The following HMCN1 variants were observed in gnomAD, a reference collection of about 807,000 sequenced individuals.
HMCN1 encodes hemicentin-1.
In HMCN1, 321 loss-of-function variants were observed where a neutral mutation model predicts 625.9. The ratio of observed to expected loss-of-function variants is 0.51; its 90% CI spans 0.47 to 0.56. The LOEUF (loss-of-function observed/expected upper bound fraction) is 0.56, where lower values mean the gene tolerates loss of function less well. Ranked by LOEUF, HMCN1 falls within the 20% of genes least tolerant of loss-of-function variation. The pLI, the probability that HMCN1 is intolerant of heterozygous loss-of-function variation, is 0.00. For synonymous variants in HMCN1, 2,425 were observed against 2,417.6 expected (o/e 1.00, Z -0.09); for missense variants, 6,588 against 6,887.3 (o/e 0.96, Z 1.54).
At chr1:186,063,299 A>C (rs1294642642) in intron 48 of HMCN1, among the ~76,000 whole-genome samples, 1 of 151,424 alleles carries the variant, frequency 6.6e-6, no homozygotes, top group African/African-American at 2.4e-5. Context: ...TGGCATTTGA[A>C]ATTAAATTCT....
intron 46 of HMCN1, among the ~76,000 whole-genome samples, chr1:186,061,475 G>A (rs181036792): frequency 1.1e-3 from 172 of 152,204 alleles, no homozygotes; most frequent in African/African-American, 3.9e-3. Context: ...GGGGATTATG[G>A]GGATTACAAT....
intron 1 of HMCN1, among the ~76,000 whole-genome samples, chr1:185,764,266 A>G (rs1158734552): frequency 6.6e-6 from 1 of 152,208 alleles, no homozygotes; most frequent in African/African-American, 2.4e-5. Flanking sequence ...TGTTGATGGT[A>G]TGTTTCAACA....
At chr1:185,878,342 A>C (rs2102384721) in intron 4 of HMCN1, among the ~76,000 whole-genome samples, 1 of 152,224 alleles carries the variant, frequency 6.6e-6, no homozygotes, top group East Asian at 1.9e-4. Context: ...AATGCTTTCA[A>C]CTTTCCCCCA....
chr1:185,747,186 ACTATCATAGACTC>A (rs1403928811), intron 1 of HMCN1, among the ~76,000 whole-genome samples: 1 of 152,176 alleles, frequency 6.6e-6, no homozygotes, highest in Non-Finnish European at 1.5e-5. Flanking sequence ...TGCATTAGGG[ACTATCATAGACTC>A]TAAACTCTGA....
intron 1 of HMCN1, among the ~76,000 whole-genome samples, chr1:185,775,752 A>G (rs1385381443): frequency 6.6e-6 from 1 of 152,220 alleles, no homozygotes; most frequent in Admixed American, 6.5e-5. Flanking sequence ...CCACTGACTA[A>G]GTATGTGCTT....
intron 41 of HMCN1, among the ~76,000 whole-genome samples, chr1:186,047,596 T>C (rs2102259415): frequency 6.6e-6 from 1 of 152,254 alleles, no homozygotes; most frequent in African/African-American, 2.4e-5. Context: ...TCAATAAATA[T>C]TAATCCCTCC....
rs757996230 is a variant in HMCN1, at chr1:185,933,577, C to T, written c.1581C>T (p.Asn527=). The part of the protein sequence containing the change: ...SEPPPVIQVP[N]NVTVTPGERA... Reference sequence around the variant, plus strand: ...CCCCTCCGGTCATCCAAGTGCCTAACAATGTTACAGTCACTCCTGGAGAGA... The same window carrying T: ...CCCCTCCGGTCATCCAAGTGCCTAATAATGTTACAGTCACTCCTGGAGAGA... The change falls in exon 11 of 107, where the codon AAC becomes AAT. Residue 527 remains asparagine, a synonymous_variant. Coordinates refer to ENST00000271588, the MANE Select transcript of HMCN1 (RefSeq NM_031935.3). 6.2e-7 allele frequency: 1 copy of T among 1,613,932 alleles called. No individual in the cohort carries two copies. Among genetic ancestry groups the T allele is most frequent in the Admixed American group, 1.7e-5 (1 of 59,954 alleles).
chr1:186,009,978 T>C (rs562040940), intron 30 of HMCN1, among the ~76,000 whole-genome samples: 12 of 151,948 alleles, frequency 7.9e-5, no homozygotes, highest in South Asian at 2.1e-4. Flanking sequence ...GCCAGCAAAA[T>C]AGAGTTCGCG....
In HMCN1 at chr1:186,116,996, T is replaced by G. The variant is rs751552839; in HGVS notation, c.11564T>G (p.Leu3855Arg). The G allele has an allele frequency of 4.3e-6, 7 of 1,612,984 alleles. No individual in the cohort carries two copies. Among genetic ancestry groups the G allele is most frequent in the Non-Finnish European group, 5.9e-6 (7 of 1,179,178 alleles). ...ATGCTTTGAAATGTGTCTTCTAGGC[T>G]CCTTTCTTCAGGTTCACTAGTAATT... Reference protein sequence around the residue: ...NVDQNQNSYRLLSSGSLVIIS... With the variant: ...NVDQNQNSYRRLSSGSLVIIS... Residue 3855 changes from leucine to arginine, a missense_variant and splice_region_variant, in exon 76 of 107, where the codon CTC becomes CGC. Coordinates refer to ENST00000271588, the MANE Select transcript of HMCN1 (RefSeq NM_031935.3).
Position 186,087,914 on chromosome 1 carries a change from A to G in HMCN1, c.9364-18A>G, listed in dbSNP as rs774670769. 1.3e-6 allele frequency: 2 copies of G among 1,593,704 alleles called. No individual in the cohort carries two copies. The highest frequency in any genetic ancestry group is 1.7e-5 in the Admixed American group (1 of 59,810). On this transcript the variant is annotated intron_variant, in intron 60 of 106. Transcript: ENST00000271588. ...TATAACTTAATGGAGCACATACAAT[A>G]GTATCTTTTTCTTTTAGGTATCTGA...
chr1:186,113,878 A>G, intron 72 of HMCN1, 101 bp from the exon 73 acceptor site: 2 of 1,258,380 alleles, frequency 1.6e-6, no homozygotes, highest in Non-Finnish European at 2.3e-6. Flanking sequence ...ACAAAGCTAT[A>G]CATTTGACTC....
intron 1 of HMCN1, among the ~76,000 whole-genome samples, chr1:185,744,243 G>A (rs1654229882): frequency 6.6e-6 from 1 of 151,680 alleles, no homozygotes; most frequent in Non-Finnish European, 1.5e-5. Flanking sequence ...ATCCACCCAC[G>A]TTGGCCTCCC....
intron 40 of HMCN1, among the ~76,000 whole-genome samples, chr1:186,044,823 T>C (rs1356616950): frequency 1.3e-5 from 2 of 152,136 alleles, no homozygotes; most frequent in Non-Finnish European, 2.9e-5. Context: ...AAAGAGTCCT[T>C]GAGAAGTTAT....
chr1:185,853,435 A>G (rs1662281203), intron 2 of HMCN1, among the ~76,000 whole-genome samples: 1 of 152,158 alleles, frequency 6.6e-6, no homozygotes, highest in Non-Finnish European at 1.5e-5. Context: ...TACTGTAGGT[A>G]CATTCATAGG....
chr1:185,782,992 G>T (rs895304785), intron 1 of HMCN1, among the ~76,000 whole-genome samples: 2 of 152,104 alleles, frequency 1.3e-5, no homozygotes, highest in African/African-American at 4.8e-5. Flanking sequence ...CCAATCAGAC[G>T]CACATTTGGT....
chr1:185,828,776 A>C (rs1027748659), intron 1 of HMCN1, among the ~76,000 whole-genome samples: 1 of 152,136 alleles, frequency 6.6e-6, no homozygotes, highest in East Asian at 1.9e-4. Flanking sequence ...CTCATGTCAA[A>C]CAGGAAACCC....
intron 74 of HMCN1, 23 bp from the exon 75 acceptor site, chr1:186,115,235 C>T: frequency 6.2e-7 from 1 of 1,613,642 alleles, no homozygotes. Context: ...GTGTTTCCTT[C>T]TTATTTGGTG....
intron 68 of HMCN1, 137 bp downstream of exon 68, chr1:186,095,658 T>A (rs1660104114): frequency 2.4e-6 from 2 of 845,430 alleles, no homozygotes; most frequent in South Asian, 1.9e-5. Context: ...TAATTTTTTT[T>A]ATAATTCACC....
chr1:186,118,802 C>G (rs1661252939), intron 77 of HMCN1, among the ~76,000 whole-genome samples: 1 of 152,152 alleles, frequency 6.6e-6, no homozygotes, highest in Non-Finnish European at 1.5e-5. Context: ...TCAGAAAAGG[C>G]AAATCTGTAG....
Sources: gnomAD v4.1 joint callset for allele counts (sites outside exome capture counted in the v4.1 genomes callset) on GRCh38, gnomAD v4.1.1 for gene constraint, MANE v1.5 for transcripts, NCBI Gene and HGNC (gene_info 2026-07-23, HGNC 2026-07-21) for gene names.